Variants in ADARB2 observed in about 807,000 individuals in gnomAD.
The protein encoded by ADARB2 is adenosine deaminase RNA specific B2 (inactive), also known as inactive double-stranded RNA-specific editase B2.
A neutral mutation model predicts 62.2 loss-of-function variants in ADARB2; 25 were observed. The observed-to-expected ratio is 0.40, with a 90% confidence interval of 0.29 to 0.56. ADARB2 has a LOEUF of 0.56. ADARB2 is among the 20% of genes least tolerant of loss of function. The pLI, the probability that ADARB2 is intolerant of heterozygous loss-of-function variation, is 0.43. For synonymous variants in ADARB2, 572 were observed against 500.8 expected, an observed-to-expected ratio of 1.14 and a Z score of -1.90; for missense variants, 1,071 against 1,077.4, an observed-to-expected ratio of 0.99 and a Z score of 0.08.
chr10:1,415,224 A>G (rs1037374288), intron 1 of ADARB2, among the ~76,000 whole-genome samples: 15 of 151,358 alleles, frequency 9.9e-5, no homozygotes, highest in Non-Finnish European at 2.2e-4. Flanking sequence ...GGATGGGTGG[A>G]TGGATGGGAA....
Position 1,665,629 on chromosome 10 carries a change from A to T in ADARB2, c.100+71422T>A, listed in dbSNP as rs543514215. On this transcript the variant is annotated intron_variant, in intron 1 of 9. Coordinates refer to ENST00000381312, the MANE Select transcript of ADARB2 (RefSeq NM_018702.4). ...TGCCAAGAAGCAATCGTCTACTGGG[A>T]GGGGAAATGTCAGCCATTCTGAGGC... 2.0e-5 allele frequency among the ~76,000 whole-genome samples: 3 copies of T among 152,338 alleles called. No individual in the cohort carries two copies. The South Asian group carries it at 6.2e-4, about 32-fold the overall frequency.
At chr10:1,657,001 T>TTGTG (rs58944098) in intron 1 of ADARB2, among the ~76,000 whole-genome samples, 64,521 of 148,628 alleles carry the variant, frequency 0.43, 14,140 homozygotes, top group Non-Finnish European at 0.49. Flanking sequence ...ATCTAGTGTT[T>TTGTG]TGTGTGTGTG....
chr10:1,282,037 T>G (rs1831375428), intron 3 of ADARB2, among the ~76,000 whole-genome samples: 1 of 152,194 alleles, frequency 6.6e-6, no homozygotes, highest in Non-Finnish European at 1.5e-5. Flanking sequence ...CCATGACGGC[T>G]TCAGCAAGTC....
At chr10:1,334,204 G>C (rs1831953178) in intron 3 of ADARB2, among the ~76,000 whole-genome samples, 1 of 152,202 alleles carries the variant, frequency 6.6e-6, no homozygotes, top group South Asian at 2.1e-4. Flanking sequence ...GCCTAGGTGA[G>C]TGTTTAGTAA....
At chr10:1,367,493 A>C (rs1832323638) in intron 2 of ADARB2, among the ~76,000 whole-genome samples, 1 of 152,200 alleles carries the variant, frequency 6.6e-6, no homozygotes, top group Admixed American at 6.5e-5. Flanking sequence ...TTACCTTCTG[A>C]GGAGAAAGGG....
At chr10:1,602,341 G>A (rs190282988) in intron 1 of ADARB2, among the ~76,000 whole-genome samples, 1 of 152,282 alleles carries the variant, frequency 6.6e-6, no homozygotes, top group African/African-American at 2.4e-5. Flanking sequence ...TTTTGAGCGC[G>A]TTGTGTTTTC....
chr10:1,525,094 C>T (rs1832123564), intron 1 of ADARB2, among the ~76,000 whole-genome samples: 1 of 152,034 alleles, frequency 6.6e-6, no homozygotes, highest in Non-Finnish European at 1.5e-5. Context: ...TTCTATAAAT[C>T]CTGAGTTTCA....
At chr10:1,630,831 T>A (rs894879340) in intron 1 of ADARB2, among the ~76,000 whole-genome samples, 1 of 152,056 alleles carries the variant, frequency 6.6e-6, no homozygotes, top group African/African-American at 2.4e-5. Flanking sequence ...GGTGGGCGTC[T>A]GTAGTCCCAG....
At chr10:1,313,910 A>G (rs968477662) in intron 3 of ADARB2, among the ~76,000 whole-genome samples, 1 of 152,072 alleles carries the variant, frequency 6.6e-6, no homozygotes, top group African/African-American at 2.4e-5. Flanking sequence ...AAACACCCAC[A>G]CCATGTCTTT....
At chr10:1,444,684 C>T (rs1201050106) in intron 1 of ADARB2, among the ~76,000 whole-genome samples, 1 of 150,708 alleles carries the variant, frequency 6.6e-6, no homozygotes, top group African/African-American at 2.4e-5. Context: ...ATCCATCCAC[C>T]CACTCACTCA....
At chr10:1,316,506 T>C (rs1831741362) in intron 3 of ADARB2, among the ~76,000 whole-genome samples, 1 of 152,256 alleles carries the variant, frequency 6.6e-6, no homozygotes, top group African/African-American at 2.4e-5. Context: ...GTCCCCTTTT[T>C]GGTTTGATCT....
chr10:1,286,978 C>T (rs1474117102), intron 3 of ADARB2, among the ~76,000 whole-genome samples: 2 of 152,192 alleles, frequency 1.3e-5, no homozygotes, highest in Non-Finnish European at 2.9e-5. Flanking sequence ...AACTCACCCC[C>T]ACGTGCCTCA....
chr10:1,226,385 G>C (rs561497337), intron 6 of ADARB2, among the ~76,000 whole-genome samples: 3 of 152,116 alleles, frequency 2.0e-5, no homozygotes, highest in South Asian at 2.1e-4. Flanking sequence ...TAGTTTGATC[G>C]TCTGAAGCCT....
chr10:1,676,988 C>T (rs1171015955), intron 1 of ADARB2, among the ~76,000 whole-genome samples: 1 of 152,292 alleles, frequency 6.6e-6, no homozygotes, highest in South Asian at 2.1e-4. Flanking sequence ...GAGGAGCCCC[C>T]CTGACCTGCC....
chr10:1,373,787 A>G (rs4880840), intron 2 of ADARB2, among the ~76,000 whole-genome samples: 3,560 of 73,494 alleles, frequency 0.048, 123 homozygotes, highest in East Asian at 0.13. Context: ...GACCACGTGG[A>G]CTCCGCGCAC....
intron 1 of ADARB2, among the ~76,000 whole-genome samples, chr10:1,502,207 C>T (rs1486069959): frequency 6.6e-6 from 1 of 152,256 alleles, no homozygotes; most frequent in Non-Finnish European, 1.5e-5. Context: ...GGCCCGGCCC[C>T]TCCTGCACCT....
intron 1 of ADARB2, among the ~76,000 whole-genome samples, chr10:1,691,726 C>T (rs1834675194): frequency 6.6e-6 from 1 of 152,210 alleles, no homozygotes; most frequent in Admixed American, 6.5e-5. Context: ...CAACTGCTTG[C>T]TCTGGTTCGT....
intron 3 of ADARB2, among the ~76,000 whole-genome samples, chr10:1,283,183 GTCTT>G (rs1480230387): frequency 2.0e-5 from 3 of 152,174 alleles, no homozygotes; most frequent in Non-Finnish European, 4.4e-5. Flanking sequence ...TTGTATGCTT[GTCTT>G]TCTTTCTCCT....
rs114327183 is a variant in ADARB2 at position 1,654,480 on chromosome 10, G to C, written c.100+82571C>G. Among the ~76,000 whole-genome samples, 1,336 of 152,106 alleles carry C rather than the reference G, an allele frequency of 8.8e-3. 17 individuals carry two copies. The highest frequency in any genetic ancestry group is 0.047 in the East Asian group (243 of 5,148). On this transcript the variant is annotated intron_variant, in intron 1 of 9. Coordinates refer to ENST00000381312, the MANE Select transcript of ADARB2 (RefSeq NM_018702.4). ...CTAAGCTCTGAAATCCCCTTCCGGC[G>C]TGGTGGTGCCTCCCCTGTGCAGCCC...
Sources: allele counts gnomAD v4.1 joint callset (sites outside exome capture counted in the v4.1 genomes callset), GRCh38; gene constraint gnomAD v4.1.1; transcripts MANE v1.5; gene names NCBI Gene and HGNC (gene_info 2026-07-23, HGNC 2026-07-21).